Variants in MTCL1 observed in about 807,000 individuals in gnomAD.
The protein encoded by MTCL1 is microtubule cross-linking factor 1.
Under a neutral mutation model 141.4 loss-of-function variants are expected in MTCL1, and 79 were observed. The ratio of observed to expected loss-of-function variants is 0.56; its 90% confidence interval spans 0.47 to 0.67. The LOEUF (loss-of-function observed/expected upper bound fraction) is 0.67, where lower values mean the gene tolerates loss of function less well. MTCL1 is among the 30% of genes least tolerant of loss of function. MTCL1 has a pLI of 0.00. For missense variants in MTCL1, 2,177 were observed against 2,113.9 expected, an observed-to-expected ratio of 1.03 and a Z score of -0.59; for synonymous variants, 914 against 875.8, an observed-to-expected ratio of 1.04 and a Z score of -0.77.
At position 8,821,276 on chromosome 18, in the gene MTCL1, T is replaced by C. The variant is rs542359909; in HGVS notation, c.3157-191T>C. Among the ~76,000 whole-genome samples the C allele has an allele frequency of 8.2e-4, 125 of 152,318 alleles. 2 individuals carry two copies. The highest frequency in any genetic ancestry group is 4.2e-3 in the Admixed American group (64 of 15,298). Reference sequence around the variant, plus strand: ...CAGAAGCTCCAGCCCCTCATCATGCTGTGGACTCGCTTTGATGATTGTACT... The same window carrying C: ...CAGAAGCTCCAGCCCCTCATCATGCCGTGGACTCGCTTTGATGATTGTACT... On this transcript the variant is annotated intron_variant, in intron 13 of 16. Transcript: ENST00000359865.
chr18:8,755,201 G>A (rs1365362465), intron 4 of MTCL1, among the ~76,000 whole-genome samples: 4 of 152,224 alleles, frequency 2.6e-5, no homozygotes, highest in African/African-American at 4.8e-5. Flanking sequence ...CTTGCCCAAG[G>A]TCACACGCGT....
chr18:8,816,800 T>C (rs925062111), intron 12 of MTCL1, among the ~76,000 whole-genome samples: 3 of 152,202 alleles, frequency 2.0e-5, no homozygotes, highest in Admixed American at 6.5e-5. Flanking sequence ...AAAATACAAA[T>C]CTTTAAAATG....
At chr18:8,788,159 G>A (rs543915003) in intron 7 of MTCL1, among the ~76,000 whole-genome samples, 5 of 152,132 alleles carry the variant, frequency 3.3e-5, no homozygotes, top group South Asian at 2.1e-4. Context: ...CACAGACCCC[G>A]CCGGACTAAC....
At chr18:8,788,053 T>A (rs2075579798) in intron 7 of MTCL1, among the ~76,000 whole-genome samples, 1 of 152,186 alleles carries the variant, frequency 6.6e-6, no homozygotes, top group Non-Finnish European at 1.5e-5. Context: ...AGAATATCCC[T>A]GAATTTGCTG....
At position 8,726,547 on chromosome 18, in the gene MTCL1, G is replaced by A. The variant is rs555554488; in HGVS notation, c.357+6051G>A. On this transcript the variant is annotated intron_variant, in intron 4 of 16. Transcript: ENST00000359865. ...AGAGAGCGAGTGCGCATGCGCGCGC[G>A]CAACAAGCAATGTTCTGGTGTTTCT... Among the ~76,000 whole-genome samples the A allele has an allele frequency of 5.1e-3, 538 of 104,594 alleles. 8 individuals carry two copies. The highest frequency in any genetic ancestry group is 0.022 in the African/African-American group (514 of 23,144). The allele number at this position is 104,594 out of a possible 152,430, so 68.6% of individuals were successfully genotyped here. A position where few individuals can be genotyped will look rare whatever the true frequency, so the allele number is the denominator to read the frequency against.
At chr18:8,819,342 C>G in intron 13 of MTCL1, 83 bp downstream of exon 12, 2 of 1,451,688 alleles carry the variant, frequency 1.4e-6, no homozygotes, top group Non-Finnish European at 1.9e-6. Flanking sequence ...TGCCAGATTC[C>G]TCTCCTGGCA....
chr18:8,761,724 G>A (rs886319090), intron 4 of MTCL1, among the ~76,000 whole-genome samples: 10 of 152,194 alleles, frequency 6.6e-5, no homozygotes, highest in African/African-American at 1.2e-4. Context: ...CATGGCGGCA[G>A]ACAAGAGAAG....
At chr18:8,724,678 C>G (rs1307391448) in intron 4 of MTCL1, among the ~76,000 whole-genome samples, 1 of 152,182 alleles carries the variant, frequency 6.6e-6, no homozygotes, top group Non-Finnish European at 1.5e-5. Context: ...AACCCATCCC[C>G]GGCTCCCTGT....
At position 8,831,588 on chromosome 18, in the gene MTCL1, C is replaced by G. The variant is rs1165298385; in HGVS notation, c.*19-19C>G. Reference sequence around the variant, plus strand: ...ACTGCCGGTCTGAGTAACCCTGTCTCCCTTTCTCGGCTCTGAAGGAACTAC... The same window carrying G: ...ACTGCCGGTCTGAGTAACCCTGTCTGCCTTTCTCGGCTCTGAAGGAACTAC... On this transcript the variant is annotated intron_variant, in intron 16 of 16. Coordinates refer to ENST00000359865, the Ensembl canonical transcript of MTCL1. The G allele has an allele frequency of 6.5e-7, 1 of 1,549,018 alleles. No individual in the cohort carries two copies. The highest frequency in any genetic ancestry group is 8.7e-7 in the Non-Finnish European group (1 of 1,145,818).
intron 7 of MTCL1, among the ~76,000 whole-genome samples, chr18:8,787,825 G>A (rs4798687): frequency 0.2 from 30,040 of 152,050 alleles, 3,600 homozygotes; most frequent in Admixed American, 0.31. Flanking sequence ...TTTTAATAAG[G>A]CATGTTCTGG....
At chr18:8,747,268 C>T (rs1015218214) in intron 4 of MTCL1, among the ~76,000 whole-genome samples, 31 of 152,332 alleles carry the variant, frequency 2.0e-4, no homozygotes, top group African/African-American at 6.3e-4. Flanking sequence ...GGACTGCAGT[C>T]CAAGATCAGG....
chr18:8,826,316 C>T, intron 15 of MTCL1, 84 bp downstream of exon 14: 2 of 1,252,760 alleles, frequency 1.6e-6, no homozygotes, highest in Non-Finnish European at 2.2e-6. Flanking sequence ...GGATTGTGCT[C>T]TGTCATTTGA....
At chr18:8,826,466 A>C (rs1400925101) in intron 15 of MTCL1, among the ~76,000 whole-genome samples, 1 of 131,780 alleles carries the variant, frequency 7.6e-6, no homozygotes, top group African/African-American at 2.9e-5. Context: ...CATATAGTAC[A>C]TGGTTTGATT....
chr18:8,747,593 C>T (rs530995163), intron 4 of MTCL1, among the ~76,000 whole-genome samples: 21 of 152,314 alleles, frequency 1.4e-4, no homozygotes, highest in South Asian at 6.2e-4. Flanking sequence ...ATCTTGGATC[C>T]GGCCCATGCA....
At chr18:8,812,309 A>T (rs1207000459) in intron 11 of MTCL1, among the ~76,000 whole-genome samples, 2 of 150,976 alleles carry the variant, frequency 1.3e-5, no homozygotes, top group African/African-American at 2.4e-5. Context: ...TTCAGTTTTC[A>T]TTTGCTGAAA....
intron 4 of MTCL1, among the ~76,000 whole-genome samples, chr18:8,733,165 G>C (rs560446646): frequency 4.1e-4 from 62 of 152,320 alleles, no homozygotes; most frequent in African/African-American, 1.4e-3. Context: ...CAGGGCGCAG[G>C]GCAGCCCTCG....
At chr18:8,796,841 G>A (rs1419265837) in intron 9 of MTCL1, among the ~76,000 whole-genome samples, 2 of 152,218 alleles carry the variant, frequency 1.3e-5, no homozygotes, top group Admixed American at 6.5e-5. Flanking sequence ...ACTGGCAGAG[G>A]CAGGTGCTGT....
chr18:8,718,325 T>C (rs747692308), intron 2 of MTCL1, 99 bp from the exon 2 acceptor site: 6 of 1,169,524 alleles, frequency 5.1e-6, no homozygotes, highest in Non-Finnish European at 7.4e-6. Flanking sequence ...AGCGTGTAGG[T>C]ATTCAATATT....
chr18:8,706,598 C>T, exon 1 of MTCL1: 2 of 1,522,762 alleles, frequency 1.3e-6, no homozygotes, highest in Non-Finnish European at 8.8e-7. Flanking sequence ...CGACCAGTCC[C>T]CGGGACCCCC....
Sources: gnomAD v4.1 joint callset for allele counts (sites outside exome capture counted in the v4.1 genomes callset) on GRCh38, gnomAD v4.1.1 for gene constraint, MANE v1.5 for transcripts, NCBI Gene and HGNC (gene_info 2026-07-23, HGNC 2026-07-21) for gene names.